SUN3: variants seen among roughly 807,000 people sequenced by gnomAD.
SUN3 encodes SUN domain-containing protein 3.
Under a neutral mutation model 48.2 loss-of-function variants are expected in SUN3, and 36 were observed. That is an observed-to-expected ratio of 0.75 (90% CI 0.57 to 0.99). The LOEUF (loss-of-function observed/expected upper bound fraction) is 0.99. Ranked by LOEUF, SUN3 falls within the 50% of genes least tolerant of loss-of-function variation. SUN3 has a pLI of 0.00. For synonymous variants in SUN3, 148 were observed against 147.9 expected, an observed-to-expected ratio of 1.00 and a Z score of 0.00; for missense variants, 419 against 433.1, an observed-to-expected ratio of 0.97 and a Z score of 0.29.
chr7:48,002,151 C>CTTTTTT (rs71006541), intron 6 of SUN3, among the ~76,000 whole-genome samples: 4 of 64,154 alleles, frequency 6.2e-5, no homozygotes, highest in African/African-American at 3.0e-4. Context: ...TTGCATTTCT[C>CTTTTTT]TTTTTTTTTT....
At chr7:48,023,404 C>A (rs1418837796) in intron 2 of SUN3, among the ~76,000 whole-genome samples, 2 of 151,728 alleles carry the variant, frequency 1.3e-5, no homozygotes, top group East Asian at 3.9e-4. Context: ...CCCATGGTAA[C>A]CACTAAGAAA....
At chr7:47,998,701 G>C (rs992754446) in intron 6 of SUN3, among the ~76,000 whole-genome samples, 2 of 151,546 alleles carry the variant, frequency 1.3e-5, no homozygotes, top group African/African-American at 4.9e-5. Context: ...ACCCATTTGG[G>C]GTTAATTTTT....
At chr7:48,029,146 T>G (rs542341914), upstream of SUN3, 190 of 644,830 alleles carry the variant, frequency 2.9e-4, no homozygotes, top group African/African-American at 3.1e-3. Flanking sequence ...CACCTCATAA[T>G]GCAGATGGCC....
chr7:47,991,296 C>T (rs956641330), intron 8 of SUN3, among the ~76,000 whole-genome samples: 2 of 152,068 alleles, frequency 1.3e-5, no homozygotes, highest in African/African-American at 4.8e-5. Flanking sequence ...GTTTTTATTA[C>T]TAAAGGATTC....
intron 2 of SUN3, among the ~76,000 whole-genome samples, chr7:48,022,371 C>G (rs1308400250): frequency 6.6e-6 from 1 of 152,008 alleles, no homozygotes; most frequent in Non-Finnish European, 1.5e-5. Flanking sequence ...TGGGTGACTA[C>G]AGTAAAAAAT....
chr7:48,034,315 T>C, the SUN3 span, among the ~76,000 whole-genome samples: 8 of 152,160 alleles, frequency 5.3e-5, no homozygotes, highest in Admixed American at 2.0e-4. Context: ...ACAAAAACTA[T>C]CTTCTCTTTA....
chr7:48,012,388 GTTTTTTT>G (rs370669672), intron 3 of SUN3, among the ~76,000 whole-genome samples: 2 of 142,580 alleles, frequency 1.4e-5, no homozygotes, highest in East Asian at 4.1e-4. Context: ...TTTTTGTTTA[GTTTTTTT>G]TTTTTTTTCT....
chr7:47,991,089 A>C, intron 8 of SUN3: 1 of 452,898 alleles, frequency 2.2e-6, no homozygotes, highest in South Asian at 1.6e-5. Flanking sequence ...CAACAAAACA[A>C]AACAAACCAA....
Position 47,994,440 on chromosome 7 carries a change from G to A in SUN3, c.736C>T (p.Gln246Ter). ...GCAAGCTTGATTAGGGTATGACCCT[G>A]GGAACCTGGAAAAGCCCAGCACTTT... Reference protein sequence around the residue: ...PGKCWAFPGSQGHTLIKLATK... With the variant: ...PGKCWAFPGS Residue 246 changes from glutamine (Q) to a stop codon, truncating the protein, a stop_gained, in exon 8 of 10, where the codon CAG becomes TAG. Transcript: ENST00000297325. LOFTEE classifies it high-confidence loss of function. 1 of 1,610,500 alleles carries A rather than the reference G, an allele frequency of 6.2e-7. No individual in the cohort carries two copies. The highest frequency in any genetic ancestry group is 1.3e-5 in the African/African-American group (1 of 74,808).
At position 48,028,965 on chromosome 7, in the gene SUN3, G is replaced by C; in HGVS notation, c.-27C>G. 6.2e-7 allele frequency: 1 copy of C among 1,613,078 alleles called. No homozygotes were observed. Among genetic ancestry groups the C allele is most frequent in the South Asian group, 1.1e-5 (1 of 90,998 alleles). On this transcript the variant is annotated 5_prime_UTR_variant, in exon 1 of 10. Coordinates refer to ENST00000297325, the MANE Select transcript of SUN3 (RefSeq NM_001030019.2). ...ATCCCCTACCAAAGAACAAACAGCT[G>C]GTAGGATGAAGAGCAACATTTGTCC... is the stretch of plus-strand genomic sequence containing the variant.
chr7:48,025,505 G>A (rs1415297339), intron 2 of SUN3, among the ~76,000 whole-genome samples: 1 of 152,180 alleles, frequency 6.6e-6, no homozygotes, highest in Non-Finnish European at 1.5e-5. Context: ...ACTGTGTGAT[G>A]AGCAAGAGTC....
At chr7:48,020,384 C>T (rs1789959456) in intron 2 of SUN3, among the ~76,000 whole-genome samples, 2 of 152,160 alleles carry the variant, frequency 1.3e-5, no homozygotes, top group African/African-American at 2.4e-5. Flanking sequence ...AAACTGAAAG[C>T]CTTTCCTCAA....
chr7:48,007,910 G>A (rs764157860), intron 4 of SUN3, among the ~76,000 whole-genome samples: 4 of 149,524 alleles, frequency 2.7e-5, no homozygotes, highest in Admixed American at 6.7e-5. Flanking sequence ...TGCAACCTCC[G>A]CCTCCCGGGT....
chr7:48,004,590 A>C (rs1318259449), intron 6 of SUN3, among the ~76,000 whole-genome samples: 1 of 152,266 alleles, frequency 6.6e-6, no homozygotes, highest in Non-Finnish European at 1.5e-5. Flanking sequence ...GGCCGCAAAC[A>C]GACAGGGGAG....
Position 47,996,011 on chromosome 7 carries a change from G to A in SUN3, c.693+20C>T. On this transcript the variant is annotated intron_variant, in intron 7 of 9. Coordinates refer to ENST00000297325, the MANE Select transcript of SUN3 (RefSeq NM_001030019.2). ...ACAAAATTCTAAAATAGAAATAAGTGATTCTTAATTTAGCTTTACCTGAAG... is the reference window on the plus strand; with the variant it reads ...ACAAAATTCTAAAATAGAAATAAGTAATTCTTAATTTAGCTTTACCTGAAG... The A allele has an allele frequency of 7.4e-7, 1 of 1,354,300 alleles. No homozygotes were observed. The highest frequency in any genetic ancestry group is 1.0e-6 in the Non-Finnish European group (1 of 984,792). The allele number at this position is 1,354,300 out of a possible 1,614,324, so 83.9% of individuals were successfully genotyped here. A position where few individuals can be genotyped will look rare whatever the true frequency, so the allele number is the denominator to read the frequency against.
intron 1 of SUN3, among the ~76,000 whole-genome samples, chr7:48,027,454 C>T (rs1370056265): frequency 1.3e-5 from 2 of 152,114 alleles, no homozygotes; most frequent in Admixed American, 1.3e-4. Flanking sequence ...GTTGTAATGA[C>T]AACCTTTTCA....
At chr7:47,991,534 G>A (rs1789058405) in intron 8 of SUN3, among the ~76,000 whole-genome samples, 1 of 34,442 alleles carries the variant, frequency 2.9e-5, no homozygotes, top group Admixed American at 2.8e-4. Flanking sequence ...CTCCAGATGG[G>A]AAGATCATAA....
chr7:48,010,731 A>G (rs926370500), intron 3 of SUN3, among the ~76,000 whole-genome samples: 1 of 152,138 alleles, frequency 6.6e-6, no homozygotes, highest in Non-Finnish European at 1.5e-5. Flanking sequence ...CAGGCACCCA[A>G]CAGAGAACTC....
chr7:48,001,937 G>A (rs1211816794), intron 6 of SUN3, among the ~76,000 whole-genome samples: 1 of 152,124 alleles, frequency 6.6e-6, no homozygotes, highest in Admixed American at 6.5e-5. Flanking sequence ...TCCCAGTAAT[G>A]GGTTTGCTGG....
Sources: gnomAD v4.1 joint callset for allele counts (sites outside exome capture counted in the v4.1 genomes callset) on GRCh38, gnomAD v4.1.1 for gene constraint, MANE v1.5 for transcripts, NCBI Gene and HGNC (gene_info 2026-07-23, HGNC 2026-07-21) for gene names.